Variants in UNC13C observed in about 807,000 individuals in gnomAD.
The protein encoded by UNC13C is unc-13 homolog C.
A neutral mutation model predicts 245.4 loss-of-function variants in UNC13C; 174 were observed. The observed-to-expected ratio is 0.71, with a 90% CI of 0.63 to 0.80. The LOEUF is 0.80. Ranked by LOEUF, UNC13C falls within the 30% of genes least tolerant of loss-of-function variation. The probability of loss-of-function intolerance (pLI) is 0.00; values close to 1 mark genes in which losing one functional copy is unlikely to be tolerated. For synonymous variants in UNC13C, 992 were observed against 895.1 expected (o/e 1.11, Z -1.93); for missense variants, 2,829 against 2,602.9 (o/e 1.09, Z -1.89).
intron 30 of UNC13C, among the ~76,000 whole-genome samples, chr15:54,603,296 T>C (rs898788574): frequency 1.3e-5 from 2 of 152,234 alleles, no homozygotes; most frequent in African/African-American, 4.8e-5. Context: ...CTTTTAATCA[T>C]ATTGAATGCA....
intron 6 of UNC13C, among the ~76,000 whole-genome samples, chr15:54,236,875 C>T (rs1320092661): frequency 1.3e-5 from 2 of 152,108 alleles, no homozygotes; most frequent in African/African-American, 2.4e-5. Context: ...AATGACATCC[C>T]TTTGCTCCTA....
intron 2 of UNC13C, among the ~76,000 whole-genome samples, chr15:54,036,592 G>T (rs751585370): frequency 2.0e-5 from 3 of 152,088 alleles, no homozygotes; most frequent in Non-Finnish European, 4.4e-5. Context: ...AAGAGGGGAG[G>T]GATAGAGCCC....
intron 4 of UNC13C, among the ~76,000 whole-genome samples, chr15:54,215,715 A>G (rs2035018818): frequency 6.6e-6 from 1 of 151,904 alleles, no homozygotes; most frequent in South Asian, 2.1e-4. Context: ...ATTGAGAAAA[A>G]TAGTGGTGAA....
At chr15:54,484,273 G>C (rs1170792516) in intron 19 of UNC13C, among the ~76,000 whole-genome samples, 1 of 152,156 alleles carries the variant, frequency 6.6e-6, no homozygotes, top group Non-Finnish European at 1.5e-5. Context: ...TATAAATCCA[G>C]TTGTTTTGAA....
At chr15:54,563,021 T>A (rs1435485476) in intron 29 of UNC13C, among the ~76,000 whole-genome samples, 1 of 152,036 alleles carries the variant, frequency 6.6e-6, no homozygotes, top group Non-Finnish European at 1.5e-5. Context: ...CAAATAAATC[T>A]TTATGACTTT....
chr15:54,493,881 A>AT (rs992949193), intron 19 of UNC13C, among the ~76,000 whole-genome samples: 4 of 152,208 alleles, frequency 2.6e-5, no homozygotes, highest in African/African-American at 9.6e-5. Flanking sequence ...GATAAGCTAT[A>AT]TTTTTTGAGC....
the UNC13C span, among the ~76,000 whole-genome samples, chr15:53,948,788 A>G: frequency 6.6e-6 from 1 of 151,864 alleles, no homozygotes; most frequent in African/African-American, 2.4e-5. Context: ...GCAGAGGAAA[A>G]GGGGACGGTG....
At chr15:54,140,480 C>A (rs1271907505) in intron 2 of UNC13C, among the ~76,000 whole-genome samples, 2 of 152,108 alleles carry the variant, frequency 1.3e-5, no homozygotes, top group Non-Finnish European at 2.9e-5. Context: ...AGGAAACTGG[C>A]AAAGGATGAA....
At chr15:54,505,900 C>G (rs1048615294) in intron 22 of UNC13C, among the ~76,000 whole-genome samples, 1 of 151,994 alleles carries the variant, frequency 6.6e-6, no homozygotes, top group Non-Finnish European at 1.5e-5. Flanking sequence ...TTCCTTGTCT[C>G]TAAGCATAAA....
chr15:54,207,236 G>T (rs2034744471), intron 4 of UNC13C, among the ~76,000 whole-genome samples: 1 of 152,024 alleles, frequency 6.6e-6, no homozygotes, highest in Admixed American at 6.6e-5. Context: ...TGGGAGGTGG[G>T]ATCCGGTGAG....
chr15:54,443,166 T>C (rs761906526), intron 19 of UNC13C, among the ~76,000 whole-genome samples: 8 of 152,152 alleles, frequency 5.3e-5, no homozygotes, highest in Non-Finnish European at 8.8e-5. Flanking sequence ...CAGGAATTTA[T>C]CCATTTCCTC....
At chr15:54,113,375 AAAG>A (rs2029965406) in intron 2 of UNC13C, among the ~76,000 whole-genome samples, 1 of 152,246 alleles carries the variant, frequency 6.6e-6, no homozygotes. Flanking sequence ...ACAGTTGGTT[AAAG>A]AAGAATATAA....
At chr15:53,874,950 C>T in the UNC13C span, among the ~76,000 whole-genome samples, 8 of 151,984 alleles carry the variant, frequency 5.3e-5, no homozygotes, top group South Asian at 1.0e-3. Flanking sequence ...AAAAATTAGC[C>T]GGGTGTGGTG....
At chr15:54,223,925 T>G (rs928690625) in intron 4 of UNC13C, among the ~76,000 whole-genome samples, 1 of 152,140 alleles carries the variant, frequency 6.6e-6, no homozygotes, top group Admixed American at 6.5e-5. Flanking sequence ...TTTCTTGATT[T>G]TGTTTTCATA....
At chr15:54,523,174 G>C (rs1895299415) in intron 24 of UNC13C, among the ~76,000 whole-genome samples, 1 of 152,152 alleles carries the variant, frequency 6.6e-6, no homozygotes, top group Non-Finnish European at 1.5e-5. Context: ...GACACATAGA[G>C]TAATGCAGAA....
intron 4 of UNC13C, among the ~76,000 whole-genome samples, chr15:54,214,023 T>A (rs1049920302): frequency 6.6e-6 from 1 of 151,962 alleles, no homozygotes; most frequent in African/African-American, 2.4e-5. Context: ...ACACTACAAA[T>A]TATTATATCT....
intron 29 of UNC13C, among the ~76,000 whole-genome samples, chr15:54,564,418 C>A (rs1413978697): frequency 6.6e-6 from 1 of 151,976 alleles, no homozygotes; most frequent in African/African-American, 2.4e-5. Context: ...GATTTCATTT[C>A]CTGATTAGTC....
At chr15:53,877,674 G>A in the UNC13C span, among the ~76,000 whole-genome samples, 4 of 152,126 alleles carry the variant, frequency 2.6e-5, no homozygotes, top group Non-Finnish European at 5.9e-5. Context: ...AAAACATGTT[G>A]AGGTTAAGTG....
intron 26 of UNC13C, among the ~76,000 whole-genome samples, chr15:54,545,710 C>T (rs1896454682): frequency 6.6e-6 from 1 of 152,058 alleles, no homozygotes; most frequent in African/African-American, 2.4e-5. Context: ...AAAAAAAGCT[C>T]ATTATTACTG....
Sources: gnomAD v4.1 joint callset for allele counts (sites outside exome capture counted in the v4.1 genomes callset) on GRCh38, gnomAD v4.1.1 for gene constraint, MANE v1.5 for transcripts, NCBI Gene and HGNC (gene_info 2026-07-23, HGNC 2026-07-21) for gene names.